The following IGSF10 variants were observed in gnomAD, a reference collection of about 807,000 sequenced individuals.
IGSF10 encodes the protein calvaria mechanical force protein 608.
A neutral mutation model predicts 128.2 loss-of-function variants in IGSF10; 126 were observed. The observed-to-expected ratio is 0.98, with a 90% CI of 0.85 to 1.14. The LOEUF (loss-of-function observed/expected upper bound fraction) is 1.14, where lower values mean the gene tolerates loss of function less well. Ranked by LOEUF, IGSF10 falls within the 50% of genes most tolerant of loss-of-function variation. IGSF10 has a pLI of 0.00. For synonymous variants in IGSF10, 1,185 were observed against 1,146.2 expected, an observed-to-expected ratio of 1.03 and a Z score of -0.68; for missense variants, 3,295 against 3,149.8, an observed-to-expected ratio of 1.05 and a Z score of -1.10.
At chr3:151,536,069 G>A in the IGSF10 span, among the ~76,000 whole-genome samples, 1 of 152,152 alleles carries the variant, frequency 6.6e-6, no homozygotes, top group African/African-American at 2.4e-5. Flanking sequence ...GGTCCTAGCT[G>A]CCACTGTGTC....
chr3:151,508,537 G>A, the IGSF10 span, among the ~76,000 whole-genome samples: 1 of 152,140 alleles, frequency 6.6e-6, no homozygotes, highest in East Asian at 1.9e-4. Context: ...TTATCAAAGA[G>A]TACAGGTTTT....
downstream of IGSF10, chr3:151,434,698 G>A (rs1257963604): frequency 6.6e-6 from 1 of 152,178 alleles, no homozygotes; most frequent in Non-Finnish European, 1.5e-5. Context: ...AGTGAGTCAT[G>A]TTCCATCATT....
chr3:151,470,750 A>T, the IGSF10 span, among the ~76,000 whole-genome samples: 5 of 152,140 alleles, frequency 3.3e-5, no homozygotes, highest in African/African-American at 1.2e-4. Flanking sequence ...GACTAAAAGC[A>T]GCAGCAGCAG....
At chr3:151,510,515 A>T in the IGSF10 span, among the ~76,000 whole-genome samples, 1 of 152,200 alleles carries the variant, frequency 6.6e-6, no homozygotes, top group Non-Finnish European at 1.5e-5. Flanking sequence ...AGACGGGGAA[A>T]AAACAGAGCA....
chr3:151,572,125 T>C, the IGSF10 span, among the ~76,000 whole-genome samples: 1 of 152,238 alleles, frequency 6.6e-6, no homozygotes, highest in African/African-American at 2.4e-5. Flanking sequence ...GGTTTGCCGG[T>C]ATTTTATTGA....
At chr3:151,612,365 C>T in the IGSF10 span, among the ~76,000 whole-genome samples, 1 of 152,188 alleles carries the variant, frequency 6.6e-6, no homozygotes, top group Non-Finnish European at 1.5e-5. Context: ...AAGGACGTCT[C>T]ATTGTGTGAC....
At chr3:151,456,520 C>T (rs1721805381) in intron 4 of IGSF10, among the ~76,000 whole-genome samples, 1 of 152,162 alleles carries the variant, frequency 6.6e-6, no homozygotes. Flanking sequence ...TTTCTCTAGG[C>T]TTATTTTACC....
chr3:151,453,838 CT>C, intron 4 of IGSF10, 64 bp from the exon 5 acceptor site: 1 of 963,594 alleles, frequency 1.0e-6, no homozygotes, highest in Admixed American at 2.5e-5. Context: ...GGGAAAAGTC[CT>C]ATCAATAACA....
At chr3:151,438,655 T>C in intron 7 of IGSF10, 58 bp from the exon 8 acceptor site, 2 of 1,362,350 alleles carry the variant, frequency 1.5e-6, no homozygotes, top group Non-Finnish European at 2.0e-6. Flanking sequence ...GGAAACTGTT[T>C]TACTCAGGAT....
At chr3:151,479,985 C>CT in the IGSF10 span, among the ~76,000 whole-genome samples, 4,672 of 148,636 alleles carry the variant, frequency 0.031, 114 homozygotes, top group African/African-American at 0.068. Context: ...TTTTATCACA[C>CT]TTTTTTTTTT....
intron 1 of IGSF10, among the ~76,000 whole-genome samples, 200 bp downstream of exon 1, chr3:151,460,746 G>A (rs1296976558): frequency 8.0e-6 from 1 of 124,926 alleles, no homozygotes; most frequent in Non-Finnish European, 1.7e-5. Flanking sequence ...TTTTTTTTTT[G>A]CCTGGCACCA....
At chr3:151,480,942 A>G in the IGSF10 span, among the ~76,000 whole-genome samples, 7 of 152,280 alleles carry the variant, frequency 4.6e-5, no homozygotes, top group Middle Eastern at 3.4e-3. Flanking sequence ...CAGAACAGGC[A>G]TAGTACCCTG....
At chr3:151,479,023 G>C in the IGSF10 span, among the ~76,000 whole-genome samples, 828 of 152,232 alleles carry the variant, frequency 5.4e-3, 7 homozygotes, top group African/African-American at 0.018. Context: ...TTAATATTTT[G>C]CAAGCCTTAT....
At chr3:151,482,368 C>A in the IGSF10 span, among the ~76,000 whole-genome samples, 829 of 152,146 alleles carry the variant, frequency 5.4e-3, 7 homozygotes, top group African/African-American at 0.018. Flanking sequence ...TTAAAACAAC[C>A]ACCAACACCA....
Position 151,448,506 on chromosome 3 carries a change from G to A in IGSF10, c.1475C>T (p.Thr492Ile), listed in dbSNP as rs1243092430. Residue 492 changes from threonine to isoleucine, a missense_variant, in exon 6 of 8, where the codon ACC becomes ATC. Coordinates refer to ENST00000282466, the MANE Select transcript of IGSF10 (RefSeq NM_178822.5). ...TTGGCCTGGGCAGTTCAGGCCAACG[G>A]TTCCACCTACCAAGACAGTATGTTC... Reference protein sequence around the residue: ...KLEHTVLVGGTVGLNCPGQGD... With the variant: ...KLEHTVLVGGIVGLNCPGQGD... 1 of 1,614,218 alleles carries A rather than the reference G, an allele frequency of 6.2e-7. No homozygotes were observed. Among genetic ancestry groups the A allele is most frequent in the South Asian group, 1.1e-5 (1 of 91,088 alleles).
the IGSF10 span, among the ~76,000 whole-genome samples, chr3:151,535,381 C>T: frequency 1.3e-5 from 2 of 152,170 alleles, no homozygotes; most frequent in Admixed American, 6.5e-5. Context: ...TAATATACTT[C>T]TCACTTATAA....
At chr3:151,525,356 CA>C in the IGSF10 span, among the ~76,000 whole-genome samples, 1 of 152,072 alleles carries the variant, frequency 6.6e-6, no homozygotes, top group African/African-American at 2.4e-5. Context: ...CAGGTAGCCA[CA>C]AAAAATACTA....
the IGSF10 span, among the ~76,000 whole-genome samples, chr3:151,590,548 T>G: frequency 2.6e-5 from 4 of 152,222 alleles, no homozygotes; most frequent in Middle Eastern, 3.4e-3. Context: ...ATCACAATAA[T>G]ACCTCAAGTA....
chr3:151,537,688 A>G, the IGSF10 span, among the ~76,000 whole-genome samples: 1 of 152,072 alleles, frequency 6.6e-6, no homozygotes, highest in Non-Finnish European at 1.5e-5. Flanking sequence ...TTTAGTCATC[A>G]CTGTTTCCTC....
Sources: allele counts gnomAD v4.1 joint callset (sites outside exome capture counted in the v4.1 genomes callset), GRCh38; gene constraint gnomAD v4.1.1; transcripts MANE v1.5; gene names NCBI Gene and HGNC (gene_info 2026-07-23, HGNC 2026-07-21).